The following ERI1 variants were observed in gnomAD, a reference collection of about 807,000 sequenced individuals.
ERI1 encodes 3'-5' exoribonuclease 1.
In ERI1, 39 loss-of-function variants were observed where a neutral mutation model predicts 39.7. That is an observed-to-expected ratio of 0.98 (90% CI 0.76 to 1.28). ERI1 has a LOEUF of 1.28. Among genes scored for constraint, ERI1 ranks in the 50% most tolerant of loss-of-function variants. The pLI, the probability that ERI1 is intolerant of heterozygous loss-of-function variation, is 0.00. For synonymous variants in ERI1, 204 were observed against 149.6 expected, an observed-to-expected ratio of 1.36 and a Z score of -2.65; for missense variants, 581 against 416.9, an observed-to-expected ratio of 1.39 and a Z score of -3.43.
chr8:9,028,536 G>A (rs1797349081), intron 6 of ERI1, among the ~76,000 whole-genome samples: 1 of 152,204 alleles, frequency 6.6e-6, no homozygotes, highest in African/African-American at 2.4e-5. Flanking sequence ...AGAAGCTGAG[G>A]TCCAAGATGC....
intron 3 of ERI1, among the ~76,000 whole-genome samples, chr8:9,014,900 C>T (rs1393391478): frequency 6.6e-6 from 1 of 152,008 alleles, no homozygotes; most frequent in Non-Finnish European, 1.5e-5. Flanking sequence ...AGCAGTGGCT[C>T]AATCTCGGCT....
chr8:9,069,051 T>C (rs1050679207), intron 3 of ERI1, among the ~76,000 whole-genome samples: 4 of 152,172 alleles, frequency 2.6e-5, no homozygotes, highest in Non-Finnish European at 4.4e-5. Context: ...ACTCCTGGGC[T>C]CAAGCCGTCC....
chr8:9,058,598 A>T (rs1798587669), intron 3 of ERI1, among the ~76,000 whole-genome samples: 1 of 152,200 alleles, frequency 6.6e-6, no homozygotes, highest in South Asian at 2.1e-4. Flanking sequence ...TCTAGTAGCA[A>T]ACTACAGAAA....
chr8:9,018,147 T>C, intron 4 of ERI1, 150 bp from the exon 5 acceptor site: 1 of 520,064 alleles, frequency 1.9e-6, no homozygotes. Flanking sequence ...AAAATGAAAC[T>C]TTAGGTGGAG....
intron 3 of ERI1, among the ~76,000 whole-genome samples, chr8:9,015,355 T>C (rs1176359992): frequency 2.6e-5 from 4 of 152,132 alleles, no homozygotes; most frequent in Admixed American, 2.6e-4. Flanking sequence ...ATCTTTAGGG[T>C]TTAAAATTGT....
At chr8:9,080,459 C>T (rs1297134044) in intron 3 of ERI1, among the ~76,000 whole-genome samples, 3 of 152,202 alleles carry the variant, frequency 2.0e-5, no homozygotes, top group Non-Finnish European at 2.9e-5. Context: ...CAGACAGAGA[C>T]GTGAACAGCA....
chr8:9,029,173 T>C (rs1165970635), intron 6 of ERI1, among the ~76,000 whole-genome samples: 1 of 152,092 alleles, frequency 6.6e-6, no homozygotes, highest in Admixed American at 6.5e-5. Context: ...TAACTTGGTT[T>C]AAAAATAAAA....
chr8:9,067,036 C>T (rs1311654409), intron 3 of ERI1, among the ~76,000 whole-genome samples: 2 of 152,190 alleles, frequency 1.3e-5, no homozygotes, highest in Admixed American at 6.5e-5. Flanking sequence ...AGGCATTTTA[C>T]ACTTCTAAGC....
chr8:9,021,386 C>T (rs886699968), intron 6 of ERI1, among the ~76,000 whole-genome samples: 4 of 152,094 alleles, frequency 2.6e-5, no homozygotes, highest in African/African-American at 4.8e-5. Context: ...TAGGGGATTT[C>T]CTTTAATTCT....
chr8:9,038,692 G>A (rs778722688), intron 3 of ERI1, among the ~76,000 whole-genome samples: 1 of 152,202 alleles, frequency 6.6e-6, no homozygotes, highest in Non-Finnish European at 1.5e-5. Context: ...AGCAGGTGGA[G>A]GCTACATTGC....
chr8:9,027,235 T>C (rs1399251700), intron 6 of ERI1, among the ~76,000 whole-genome samples: 1 of 151,972 alleles, frequency 6.6e-6, no homozygotes. Flanking sequence ...GATTTGTATT[T>C]CCCTAATGAT....
Position 9,020,407 on chromosome 8 carries a change from C to G in ERI1, c.750C>G (p.Tyr250Ter). The G allele has an allele frequency of 1.2e-6, 2 of 1,607,754 alleles. No homozygotes were observed. Among genetic ancestry groups the G allele is most frequent in the African/African-American group, 1.3e-5 (1 of 74,762 alleles). The part of the protein sequence containing the change: ...NIQCQLSRLK[Y>*]PPFAKKWINI... ...AGTGTCAACTCAGCAGGCTCAAATA[C>G]CCTCCTTTTGCGAAAAAGTGGATCA... The change falls in exon 6 of 7, where the codon TAC becomes TAG. Residue 250 changes from tyrosine (Y) to a stop codon, truncating the protein, a stop_gained. Transcript: ENST00000250263. LOFTEE classifies it high-confidence loss of function.
intron 3 of ERI1, among the ~76,000 whole-genome samples, chr8:9,052,292 G>A (rs1012353108): frequency 3.3e-5 from 5 of 151,550 alleles, no homozygotes; most frequent in Admixed American, 6.6e-5. Flanking sequence ...CCATTCTTCC[G>A]TGTCCATGGA....
chr8:9,030,187 C>A lies in ERI1; in HGVS notation c.*153C>A. 9.7e-7 allele frequency: 1 copy of A among 1,034,342 alleles called. No homozygotes were observed. Among genetic ancestry groups the A allele is most frequent in the Admixed American group, 2.8e-5 (1 of 35,870 alleles). The allele number at this position is 1,034,342 out of a possible 1,614,324, so 64.1% of individuals were successfully genotyped here. A position where few individuals can be genotyped will look rare whatever the true frequency, so the allele number is the denominator to read the frequency against. ...ATAGAGATAGATACATGTATGTGAA[C>A]AGATTTTGTAGGAAGGCATACTGAA... On this transcript the variant is annotated 3_prime_UTR_variant, in exon 7 of 7. Transcript: ENST00000250263.
chr8:9,055,792 A>C (rs147917419), intron 3 of ERI1, among the ~76,000 whole-genome samples: 4 of 152,280 alleles, frequency 2.6e-5, no homozygotes, highest in African/African-American at 7.2e-5. Context: ...CTCCCTTCTC[A>C]GCTTCCCAAA....
intron 3 of ERI1, among the ~76,000 whole-genome samples, chr8:9,061,547 G>A (rs920958004): frequency 3.3e-5 from 5 of 152,324 alleles, no homozygotes; most frequent in Non-Finnish European, 7.3e-5. Context: ...ATGAGGGCTA[G>A]GCTAAAACAG....
intron 3 of ERI1, among the ~76,000 whole-genome samples, chr8:9,098,260 C>A (rs577186970): frequency 6.6e-6 from 1 of 152,262 alleles, no homozygotes; most frequent in East Asian, 1.9e-4. Context: ...TGGCTCACGC[C>A]TGTAATCCCA....
intron 6 of ERI1, among the ~76,000 whole-genome samples, chr8:9,024,178 G>T (rs556060816): frequency 2.0e-5 from 3 of 152,134 alleles, no homozygotes; most frequent in Non-Finnish European, 2.9e-5. Context: ...AATTTAAAAG[G>T]CAAATAACTG....
chr8:9,050,293 A>G (rs1798314916), intron 3 of ERI1, among the ~76,000 whole-genome samples: 1 of 152,104 alleles, frequency 6.6e-6, no homozygotes, highest in Non-Finnish European at 1.5e-5. Flanking sequence ...GGATCACTTG[A>G]GGTCAGGAGT....
Sources: allele counts gnomAD v4.1 joint callset (sites outside exome capture counted in the v4.1 genomes callset), GRCh38; gene constraint gnomAD v4.1.1; transcripts MANE v1.5; gene names NCBI Gene and HGNC (gene_info 2026-07-23, HGNC 2026-07-21).